The following FUNDC2 variants were observed in gnomAD, a reference collection of about 807,000 sequenced individuals.
The protein encoded by FUNDC2 is FUN14 domain-containing protein 2.
In FUNDC2, 4 loss-of-function variants were observed where a neutral mutation model predicts 15.6. The observed-to-expected ratio is 0.26, with a 90% confidence interval of 0.13 to 0.59. FUNDC2 has a LOEUF of 0.59. FUNDC2 is among the 20% of genes least tolerant of loss of function. The probability of loss-of-function intolerance (pLI) is 0.90; values close to 1 mark genes in which losing one functional copy is unlikely to be tolerated. For missense variants in FUNDC2, 98 were observed against 149.7 expected, an observed-to-expected ratio of 0.65 and a Z score of 1.80; for synonymous variants, 44 against 56.9, an observed-to-expected ratio of 0.77 and a Z score of 1.02.
At chrX:155,039,100 T>C (rs1349967359) in intron 2 of FUNDC2, among the ~76,000 whole-genome samples, 1 of 112,224 alleles carries the variant, frequency 8.9e-6, no homozygotes, top group African/African-American at 3.2e-5. Flanking sequence ...TGATTAGTGA[T>C]GTTGAGCATT....
Position 155,056,335 on chromosome X carries a change from T to C in FUNDC2, c.*1663T>C, listed in dbSNP as rs2073896435. ...ATGTATCTCTAAAAGGTAAGAATTA[T>C]TTCTAAAAATCATAAATACCTCATC... On this transcript the variant is annotated 3_prime_UTR_variant, in exon 5 of 5. Coordinates refer to ENST00000369498, the MANE Select transcript of FUNDC2 (RefSeq NM_023934.4). The C allele has an allele frequency of 9.0e-6, 1 of 111,694 alleles. No homozygotes were observed. Among genetic ancestry groups the C allele is most frequent in the Non-Finnish European group, 1.9e-5 (1 of 53,162 alleles). The allele number at this position is 111,694 out of a possible 1,213,427, so 9.2% of individuals were successfully genotyped here.
chrX:155,043,085 G>C (rs1384819267), intron 2 of FUNDC2, among the ~76,000 whole-genome samples: 1 of 111,102 alleles, frequency 9.0e-6, no homozygotes, highest in Non-Finnish European at 1.9e-5. Flanking sequence ...GCAGGTGCAT[G>C]CTACCGTGCC....
At chrX:155,052,470 G>A (rs1036430231) in intron 4 of FUNDC2, among the ~76,000 whole-genome samples, 1 of 112,215 alleles carries the variant, frequency 8.9e-6, no homozygotes, top group East Asian at 2.8e-4. Flanking sequence ...CACTGAACTG[G>A]GGAGAAATAA....
chrX:155,035,412 A>G (rs1402205836), intron 2 of FUNDC2, among the ~76,000 whole-genome samples: 7 of 112,013 alleles, frequency 6.2e-5, no homozygotes, highest in Non-Finnish European at 1.1e-4. Flanking sequence ...TAGGTATATT[A>G]TAAGTTGCAC....
At chrX:155,039,676 C>A (rs899170374) in intron 2 of FUNDC2, among the ~76,000 whole-genome samples, 2 of 111,787 alleles carry the variant, frequency 1.8e-5, no homozygotes, top group African/African-American at 6.5e-5. Flanking sequence ...TTTCTGGGCT[C>A]TCTATTCTGA....
In FUNDC2 at chrX:155,029,703, C is replaced by T. The variant is rs2073808269; in HGVS notation, c.133+2632C>T. On this transcript the variant is annotated intron_variant, in intron 1 of 4. Coordinates refer to ENST00000369498, the MANE Select transcript of FUNDC2 (RefSeq NM_023934.4). ...CTGGGAGGAGGAGGTTGTGGTGAGC[C>T]GAGATTGTCATTGCACTCCAGCCTG... is the stretch of plus-strand genomic sequence containing the variant. Among the ~76,000 whole-genome samples, 3 of 103,350 alleles carry T rather than the reference C, an allele frequency of 2.9e-5. No individual in the cohort carries two copies. In the Admixed American group the frequency reaches 3.2e-4, roughly 11 times the overall value. 89.7% of individuals were successfully genotyped at this position (103,350 alleles called of 115,157 possible).
rs907047130 is a variant in FUNDC2, at chrX:155,055,709, C to T, written c.*1037C>T. 7 of 126,712 alleles carry T rather than the reference C, an allele frequency of 5.5e-5. No homozygotes were observed. The highest frequency in any genetic ancestry group is 6.3e-5 in the Non-Finnish European group (4 of 63,229). 10.4% of individuals were successfully genotyped at this position (126,712 alleles called of 1,213,427 possible). ...GTGGCATGTTACCATGTCTACAGTC[C>T]CTACTAGAATATCAGTCAGCTTTCA... On this transcript the variant is annotated 3_prime_UTR_variant, in exon 5 of 5. Transcript: ENST00000369498.
Position 155,055,547 on chromosome X carries a change from T to A in FUNDC2, c.*875T>A, listed in dbSNP as rs1230247397. ...AATTAAGAAAGATAGTGATAGGACA[T>A]GAGAAATAAATTTCCATCAAGTGTA... On this transcript the variant is annotated 3_prime_UTR_variant, in exon 5 of 5. Coordinates refer to ENST00000369498, the MANE Select transcript of FUNDC2 (RefSeq NM_023934.4). 1 of 265,587 alleles carries A rather than the reference T, an allele frequency of 3.8e-6. No homozygotes were observed. Among genetic ancestry groups the A allele is most frequent in the African/African-American group, 2.8e-5 (1 of 35,419 alleles). 21.9% of individuals were successfully genotyped at this position (265,587 alleles called of 1,213,427 possible). A position where few individuals can be genotyped will look rare whatever the true frequency, so the allele number is the denominator to read the frequency against.
intron 2 of FUNDC2, among the ~76,000 whole-genome samples, chrX:155,037,358 G>A (rs1603438655): frequency 9.0e-6 from 1 of 111,461 alleles, no homozygotes; most frequent in South Asian, 3.7e-4. Context: ...AGAATTCACA[G>A]AACTCAGAGC....
intron 1 of FUNDC2, among the ~76,000 whole-genome samples, chrX:155,027,951 G>T (rs2073800427): frequency 9.2e-6 from 1 of 108,377 alleles, no homozygotes; most frequent in African/African-American, 3.5e-5. Context: ...GCCTAAAGCC[G>T]ACTGTTAAGC....
At chrX:155,027,092 G>T in intron 1 of FUNDC2, 21 bp downstream of exon 1, 1 of 1,106,707 alleles carries the variant, frequency 9.0e-7, no homozygotes, top group Non-Finnish European at 1.2e-6. Flanking sequence ...GCGCGCGCGC[G>T]GCCGGCGCCG....
intron 4 of FUNDC2, 62 bp downstream of exon 4, chrX:155,051,863 C>G: frequency 9.1e-7 from 1 of 1,104,362 alleles, no homozygotes. Flanking sequence ...GGGCTTAACC[C>G]TATTGTACCA....
chrX:155,049,690 A>C (rs2073874382), intron 3 of FUNDC2: 1 of 112,130 alleles, frequency 8.9e-6, no homozygotes, highest in African/African-American at 3.2e-5. Context: ...ACTGGGCATC[A>C]TTTCTGTGTT....
At chrX:155,049,401 C>A in intron 3 of FUNDC2, 2 of 113,041 alleles carry the variant, frequency 1.8e-5, no homozygotes, top group Admixed American at 1.9e-4. Flanking sequence ...TTGTAGTTGT[C>A]CACGTCCGTT....
intron 4 of FUNDC2, among the ~76,000 whole-genome samples, chrX:155,052,956 G>A (rs1249449933): frequency 6.2e-5 from 7 of 112,340 alleles, no homozygotes; most frequent in Non-Finnish European, 1.9e-5. Flanking sequence ...ATGGCTCACT[G>A]TTGCCTCAAC....
chrX:155,056,462 C>G lies in FUNDC2; in HGVS notation c.*1790C>G, dbSNP rs1174912054. On this transcript the variant is annotated 3_prime_UTR_variant, in exon 5 of 5. Transcript: ENST00000369498. ...TAGTTTGTTTGAATCAAAATTCATG[C>G]AAGGTTCACATCGTATTTGCATGAT... is the stretch of plus-strand genomic sequence containing the variant. 1 of 110,980 alleles carries G rather than the reference C, an allele frequency of 9.0e-6. No homozygotes were observed. Among genetic ancestry groups the G allele is most frequent in the Non-Finnish European group, 1.9e-5 (1 of 53,031 alleles). 9.1% of individuals were successfully genotyped at this position (110,980 alleles called of 1,213,427 possible).
At position 155,054,660 on chromosome X, in the gene FUNDC2, C is replaced by T. The variant is rs782255957; in HGVS notation, c.558C>T (p.Gly186=). 1 of 1,208,475 alleles carries T rather than the reference C, an allele frequency of 8.3e-7. No homozygotes were observed. Among genetic ancestry groups the T allele is most frequent in the Non-Finnish European group, 1.1e-6 (1 of 892,590 alleles). Reference sequence around the variant, plus strand: ...GATTTTTCGGAGGCTTTCTGCTTGGCATGGCATCCTAAGGAAGATGACCTC... The same window carrying T: ...GATTTTTCGGAGGCTTTCTGCTTGGTATGGCATCCTAAGGAAGATGACCTC... The part of the protein sequence containing the change: ...TGGFFGGFLL[G]MAS Residue 186 remains glycine, a synonymous_variant, in exon 5 of 5, where the codon GGC becomes GGT. Transcript: ENST00000369498.
chrX:155,039,798 T>C (rs782811165), intron 2 of FUNDC2, among the ~76,000 whole-genome samples: 140 of 112,230 alleles, frequency 1.2e-3, no homozygotes, highest in African/African-American at 4.4e-3. Context: ...AACTTTGTTC[T>C]TTTTGCTGAA....
At chrX:155,028,082 T>TCTTATAGACTTTTATAAGAGCAGACTGCC in intron 1 of FUNDC2, among the ~76,000 whole-genome samples, 1 of 112,420 alleles carries the variant, frequency 8.9e-6, no homozygotes, top group African/African-American at 3.2e-5. Flanking sequence ...AGCAGACTGC[T>TCTTATAGACTTTTATAAGAGCAGACTGCC]CTTATAGACT....
Sources: allele counts gnomAD v4.1 joint callset (sites outside exome capture counted in the v4.1 genomes callset), GRCh38; gene constraint gnomAD v4.1.1; transcripts MANE v1.5; gene names NCBI Gene and HGNC (gene_info 2026-07-23, HGNC 2026-07-21).